Variants in MINDY3 observed in about 807,000 individuals in gnomAD.
The protein encoded by MINDY3 is ubiquitin carboxyl-terminal hydrolase MINDY-3.
In MINDY3, 38 loss-of-function variants were observed where a neutral mutation model predicts 69.2. That is an observed-to-expected ratio of 0.55 (90% CI 0.42 to 0.72). The LOEUF is 0.72. Among genes scored for constraint, MINDY3 ranks in the 30% least tolerant of loss-of-function variants. MINDY3 has a pLI of 0.00. For synonymous variants in MINDY3, 192 were observed against 180.1 expected (o/e 1.07, Z -0.53); for missense variants, 522 against 519.0 (o/e 1.01, Z -0.06).
intron 9 of MINDY3, among the ~76,000 whole-genome samples, chr10:15,818,856 G>T (rs115457831): frequency 0.016 from 2,409 of 152,186 alleles, 50 homozygotes; most frequent in African/African-American, 0.052. Flanking sequence ...GACTGCTAAT[G>T]GGTTTAGAGC....
At chr10:15,823,298 C>T (rs188814533) in intron 8 of MINDY3, among the ~76,000 whole-genome samples, 152 of 152,236 alleles carry the variant, frequency 1.0e-3, no homozygotes, top group South Asian at 2.1e-4. Flanking sequence ...CCACAAGACC[C>T]TCTTAGAGAC....
intron 4 of MINDY3, 124 bp from the exon 5 acceptor site, chr10:15,838,403 CTCAGTT>C: frequency 1.4e-6 from 1 of 709,446 alleles, no homozygotes; most frequent in Non-Finnish European, 2.1e-6. Flanking sequence ...CCTTAAAATT[CTCAGTT>C]TATTTTCAAC....
chr10:15,812,881 C>T (rs183563381), intron 10 of MINDY3, among the ~76,000 whole-genome samples: 78 of 152,272 alleles, frequency 5.1e-4, no homozygotes, highest in African/African-American at 1.7e-3. Context: ...TCTACCCCTC[C>T]GCTGCCAATC....
intron 1 of MINDY3, among the ~76,000 whole-genome samples, chr10:15,849,860 C>G (rs1834150643): frequency 6.6e-6 from 1 of 152,172 alleles, no homozygotes; most frequent in African/African-American, 2.4e-5. Flanking sequence ...CTCTTGTCCT[C>G]CCAAAGTCCA....
intron 10 of MINDY3, among the ~76,000 whole-genome samples, chr10:15,805,844 A>T (rs1209227947): frequency 6.6e-6 from 1 of 152,142 alleles, no homozygotes; most frequent in African/African-American, 2.4e-5. Context: ...CGTGGAGCAC[A>T]CCTGCAGCCA....
intron 9 of MINDY3, among the ~76,000 whole-genome samples, chr10:15,819,932 C>G (rs1435532658): frequency 2.0e-5 from 3 of 152,138 alleles, no homozygotes; most frequent in Non-Finnish European, 4.4e-5. Context: ...AAGCCTACAT[C>G]TAGAAAACCA....
intron 10 of MINDY3, among the ~76,000 whole-genome samples, chr10:15,800,572 T>G (rs1321547710): frequency 2.0e-5 from 3 of 152,200 alleles, no homozygotes; most frequent in Admixed American, 6.6e-5. Context: ...TTCATCATGT[T>G]TAGTGCAATA....
chr10:15,849,225 A>G (rs1357420423), intron 1 of MINDY3, among the ~76,000 whole-genome samples: 1 of 152,226 alleles, frequency 6.6e-6, no homozygotes, highest in Non-Finnish European at 1.5e-5. Flanking sequence ...GAATTCAGCT[A>G]AAGAAAATAC....
intron 2 of MINDY3, 76 bp from the exon 3 acceptor site, chr10:15,843,348 GA>G (rs1564522747): frequency 8.3e-7 from 1 of 1,211,890 alleles, no homozygotes. Flanking sequence ...TTTAAAGTGG[GA>G]AAAAATAATG....
chr10:15,848,187 G>T (rs1833988977), intron 1 of MINDY3, among the ~76,000 whole-genome samples: 1 of 152,162 alleles, frequency 6.6e-6, no homozygotes, highest in South Asian at 2.1e-4. Context: ...CCTCTAGGAG[G>T]ATAAAGTATG....
chr10:15,837,466 T>G, intron 5 of MINDY3, 148 bp from the exon 6 acceptor site: 1 of 1,324,976 alleles, frequency 7.5e-7, no homozygotes, highest in Non-Finnish European at 1.0e-6. Flanking sequence ...CATTACAAAT[T>G]TAGCCACTAA....
chr10:15,805,856 C>T (rs1374343378), intron 10 of MINDY3, among the ~76,000 whole-genome samples: 1 of 152,122 alleles, frequency 6.6e-6, no homozygotes, highest in Non-Finnish European at 1.5e-5. Context: ...CTGCAGCCAA[C>T]ATGTAAGTTA....
At chr10:15,855,991 G>A (rs1165183489) in intron 1 of MINDY3, among the ~76,000 whole-genome samples, 1 of 151,918 alleles carries the variant, frequency 6.6e-6, no homozygotes, top group Non-Finnish European at 1.5e-5. Flanking sequence ...TACCAATTAC[G>A]AATTAAGAAA....
chr10:15,789,005 C>T (rs759171549), intron 12 of MINDY3: 12 of 341,024 alleles, frequency 3.5e-5, no homozygotes, highest in Non-Finnish European at 6.0e-5. Context: ...TATAGAAAGA[C>T]ACTTTTAGCA....
At chr10:15,814,361 C>G (rs549663547) in intron 10 of MINDY3, among the ~76,000 whole-genome samples, 1 of 152,056 alleles carries the variant, frequency 6.6e-6, no homozygotes, top group South Asian at 2.1e-4. Flanking sequence ...AATGAAGCAT[C>G]ACAATGAGTC....
In MINDY3 at chr10:15,846,147, C is replaced by T. The variant is rs145732076; in HGVS notation, c.174+1717G>A. Among the ~76,000 whole-genome samples, 437 of 152,190 alleles carry T rather than the reference C, an allele frequency of 2.9e-3. 3 individuals are homozygous for T. The highest frequency in any genetic ancestry group is 1.0e-2 in the African/African-American group (415 of 41,512). ...CGTGATTCTTAAACTTAATTACTAC[C>T]TCAAAGGTATAGAAAAGTAGGTTCA... On this transcript the variant is annotated intron_variant, in intron 2 of 14. Transcript: ENST00000277632.
Position 15,800,128 on chromosome 10 carries a change from G to A in MINDY3, c.883-3956C>T, listed in dbSNP as rs563514507. On this transcript the variant is annotated intron_variant, in intron 10 of 14. Coordinates refer to ENST00000277632, the MANE Select transcript of MINDY3 (RefSeq NM_024948.4). ...TTTTCTTGGAAATTTGTGACAATTT[G>A]AAAAACTCGCAAACTGTGCAGCCTA... Among the ~76,000 whole-genome samples the A allele has an allele frequency of 1.1e-4, 17 of 152,134 alleles. No individual in the cohort carries two copies. In the South Asian group the frequency reaches 3.5e-3, roughly 32 times the overall value.
rs532132339 is a variant in MINDY3 at position 15,860,342 on chromosome 10, C to G, written c.-43G>C. On this transcript the variant is annotated 5_prime_UTR_variant, in exon 1 of 15. Transcript: ENST00000277632. The stretch of plus-strand genomic sequence containing the variant: ...CGGATCTTCGCTTTGCGGACTCCTG[C>G]CCCGGAACATGGGGAAGGGGCAACT... 1 of 1,456,652 alleles carries G rather than the reference C, an allele frequency of 6.9e-7. No homozygotes were observed. Among genetic ancestry groups the G allele is most frequent in the African/African-American group, 1.4e-5 (1 of 71,382 alleles). The allele number at this position is 1,456,652 out of a possible 1,614,324, so 90.2% of individuals were successfully genotyped here. A position where few individuals can be genotyped will look rare whatever the true frequency, so the allele number is the denominator to read the frequency against.
intron 13 of MINDY3, among the ~76,000 whole-genome samples, chr10:15,783,521 T>C (rs1007568834): frequency 1.3e-5 from 2 of 152,200 alleles, no homozygotes; most frequent in African/African-American, 4.8e-5. Context: ...GTTTAAATCT[T>C]ACTTTTTCTG....
Sources: gnomAD v4.1 joint callset for allele counts (sites outside exome capture counted in the v4.1 genomes callset) on GRCh38, gnomAD v4.1.1 for gene constraint, MANE v1.5 for transcripts, NCBI Gene and HGNC (gene_info 2026-07-23, HGNC 2026-07-21) for gene names.